Variants in NFIA observed in about 807,000 individuals in gnomAD.
NFIA encodes the protein nuclear factor 1 A-type.
A neutral mutation model predicts 62.8 loss-of-function variants in NFIA; 8 were observed. That is an observed-to-expected ratio of 0.13 (90% CI 0.07 to 0.23). The LOEUF is 0.23. NFIA is among the 10% of genes least tolerant of loss of function. NFIA has a pLI of 1.00. For synonymous variants in NFIA, 235 were observed against 238.1 expected (o/e 0.99, Z 0.12); for missense variants, 410 against 642.1 (o/e 0.64, Z 3.91).
In NFIA at chr1:61,168,667, T is replaced by C. The variant is rs564655109; in HGVS notation, c.559+79987T>C. Among the ~76,000 whole-genome samples, 177 of 152,312 alleles carry C rather than the reference T, an allele frequency of 1.2e-3. 3 individuals are homozygous for C. The Middle Eastern group carries it at 0.024, about 20-fold the overall frequency. ...GGATTATATTCCTTAAAATTCAAAA[T>C]ATATTTGGAATACTCCAGGACTATT... On this transcript the variant is annotated intron_variant, in intron 2 of 10. Coordinates refer to ENST00000403491, the MANE Select transcript of NFIA (RefSeq NM_001134673.4).
intron 2 of NFIA, among the ~76,000 whole-genome samples, chr1:61,150,468 T>TA (rs1192360997): frequency 6.6e-6 from 1 of 152,216 alleles, no homozygotes; most frequent in East Asian, 1.9e-4. Context: ...CATGGTACGA[T>TA]ACACCTGGCC....
At chr1:61,303,703 A>C (rs1659607473) in intron 3 of NFIA, among the ~76,000 whole-genome samples, 1 of 152,132 alleles carries the variant, frequency 6.6e-6, no homozygotes, top group Non-Finnish European at 1.5e-5. Context: ...TAAAACACAG[A>C]TCTCTGGGCA....
intron 10 of NFIA, among the ~76,000 whole-genome samples, chr1:61,453,022 G>A (rs1180694859): frequency 1.3e-5 from 2 of 152,158 alleles, no homozygotes; most frequent in Non-Finnish European, 2.9e-5. Flanking sequence ...AGTGTGCAGA[G>A]TGAAACACAA....
chr1:61,319,175 A>T (rs1052424592), intron 3 of NFIA, among the ~76,000 whole-genome samples: 78 of 152,160 alleles, frequency 5.1e-4, no homozygotes, highest in African/African-American at 1.8e-3. Flanking sequence ...GCCTGTATCT[A>T]CTGGACTAAG....
At chr1:61,426,393 G>A (rs1044445883) in intron 9 of NFIA, 72 bp from the exon 10 acceptor site, 29 of 999,596 alleles carry the variant, frequency 2.9e-5, no homozygotes, top group Non-Finnish European at 3.9e-5. Flanking sequence ...CTCGGAGACT[G>A]TGTGTTTTGG....
At chr1:61,311,333 G>A (rs1660102477) in intron 3 of NFIA, among the ~76,000 whole-genome samples, 1 of 152,184 alleles carries the variant, frequency 6.6e-6, no homozygotes, top group Admixed American at 6.5e-5. Flanking sequence ...GGAGGTTGCG[G>A]TGAGCCGAGA....
chr1:61,098,097 T>C (rs952752025), intron 2 of NFIA, among the ~76,000 whole-genome samples: 1 of 152,212 alleles, frequency 6.6e-6, no homozygotes, highest in African/African-American at 2.4e-5. Context: ...TGTATCTGCA[T>C]GTAAACCCCT....
chr1:61,200,412 GA>G (rs887654779), intron 2 of NFIA, among the ~76,000 whole-genome samples: 18 of 149,858 alleles, frequency 1.2e-4, no homozygotes, highest in African/African-American at 4.2e-4. Context: ...ACTTCACACA[GA>G]AAAAAAAAGA....
At chr1:61,276,773 TAATC>T (rs1156663260) in intron 2 of NFIA, among the ~76,000 whole-genome samples, 1 of 152,142 alleles carries the variant, frequency 6.6e-6, no homozygotes. Flanking sequence ...GAAATTAAGT[TAATC>T]AAATTCCTTT....
chr1:61,204,421 T>A (rs1652754305), intron 2 of NFIA, among the ~76,000 whole-genome samples: 1 of 152,246 alleles, frequency 6.6e-6, no homozygotes, highest in African/African-American at 2.4e-5. Flanking sequence ...AGAGCATGGA[T>A]GTAAATGACC....
At chr1:61,347,839 A>G (rs1019552121) in intron 4 of NFIA, among the ~76,000 whole-genome samples, 1 of 152,190 alleles carries the variant, frequency 6.6e-6, no homozygotes, top group Non-Finnish European at 1.5e-5. Context: ...AGTGTGGCGC[A>G]GTAAGAAAAG....
intron 5 of NFIA, among the ~76,000 whole-genome samples, chr1:61,358,812 T>C (rs1047964538): frequency 3.5e-5 from 5 of 141,400 alleles, no homozygotes; most frequent in African/African-American, 1.3e-4. Flanking sequence ...CCTGTGGAGA[T>C]AGGAAATATG....
At chr1:61,139,901 A>G (rs1647377140) in intron 2 of NFIA, among the ~76,000 whole-genome samples, 1 of 151,544 alleles carries the variant, frequency 6.6e-6, no homozygotes, top group Non-Finnish European at 1.5e-5. Context: ...AAAAAAAAAA[A>G]AGTTGGTATC....
chr1:61,099,436 A>G (rs1646471767), intron 2 of NFIA, among the ~76,000 whole-genome samples: 1 of 152,194 alleles, frequency 6.6e-6, no homozygotes, highest in African/African-American at 2.4e-5. Flanking sequence ...AGAGCATTCG[A>G]TTACCAACTC....
intron 6 of NFIA, among the ~76,000 whole-genome samples, chr1:61,360,007 T>C (rs1222082899): frequency 6.6e-6 from 1 of 152,198 alleles, no homozygotes; most frequent in African/African-American, 2.4e-5. Flanking sequence ...AAGAATGGGT[T>C]CCTTGCGATA....
Position 61,217,223 on chromosome 1 carries a change from AT to A in NFIA, c.560-60284del, listed in dbSNP as rs563343640. 7.7e-3 allele frequency among the ~76,000 whole-genome samples: 1,071 copies of A among 139,828 alleles called. 4 individuals carry two copies. The highest frequency in any genetic ancestry group is 0.02 in the African/African-American group (772 of 38,334). The allele number at this position is 139,828 out of a possible 152,430, so 91.7% of individuals were successfully genotyped here. A position where few individuals can be genotyped will look rare whatever the true frequency, so the allele number is the denominator to read the frequency against. On this transcript the variant is annotated intron_variant, in intron 2 of 10. Transcript: ENST00000403491. ...CGGCACATGCCACCACACCTTGCTA[AT>A]TTTTTTTTTTTTGTTTTGTATTTTT...
At chr1:61,366,662 C>A (rs1330022023) in intron 6 of NFIA, among the ~76,000 whole-genome samples, 1 of 152,176 alleles carries the variant, frequency 6.6e-6, no homozygotes, top group East Asian at 1.9e-4. Context: ...ATGGCTCACA[C>A]CTGTAATCCC....
At chr1:61,291,136 G>A (rs913116788) in intron 3 of NFIA, among the ~76,000 whole-genome samples, 1 of 152,208 alleles carries the variant, frequency 6.6e-6, no homozygotes, top group East Asian at 1.9e-4. Context: ...GAAAGACGAA[G>A]AAAGAAGAGA....
At chr1:61,430,237 T>A (rs1047084231) in intron 10 of NFIA, among the ~76,000 whole-genome samples, 92 of 152,370 alleles carry the variant, frequency 6.0e-4, no homozygotes, top group African/African-American at 2.1e-3. Context: ...GCACTAATTA[T>A]CATGCCCAGC....
Sources: gnomAD v4.1 joint callset for allele counts (sites outside exome capture counted in the v4.1 genomes callset) on GRCh38, gnomAD v4.1.1 for gene constraint, MANE v1.5 for transcripts, NCBI Gene and HGNC (gene_info 2026-07-23, HGNC 2026-07-21) for gene names.